Variants in TRIOBP observed in about 807,000 individuals in gnomAD.
TRIOBP encodes TRIO and F-actin-binding protein.
A neutral mutation model predicts 238.8 loss-of-function variants in TRIOBP; 169 were observed. That is an observed-to-expected ratio of 0.71 (90% CI 0.62 to 0.80). The LOEUF is 0.80. Among genes scored for constraint, TRIOBP ranks in the 30% least tolerant of loss-of-function variants. The pLI, the probability that TRIOBP is intolerant of heterozygous loss-of-function variation, is 0.00. For missense variants in TRIOBP, 2,838 were observed against 3,122.6 expected (o/e 0.91, Z 2.17); for synonymous variants, 1,150 against 1,274.4 (o/e 0.90, Z 2.08).
rs745578834 is a variant in TRIOBP, at chr22:37,734,382, C to A, written c.4063-17C>A. 2.5e-6 allele frequency: 4 copies of A among 1,610,516 alleles called. No homozygotes were observed. Among genetic ancestry groups the A allele is most frequent in the East Asian group, 2.2e-5 (1 of 44,850 alleles). ...CCCAGAGAGAGAGCCTCACCTACCC[C>A]CTCACCTCATCCCCAGGTGACCATG... On this transcript the variant is annotated splice_polypyrimidine_tract_variant and intron_variant, in intron 8 of 23. Coordinates refer to ENST00000644935, the MANE Select transcript of TRIOBP (RefSeq NM_001039141.3).
In TRIOBP at chr22:37,725,808, C is replaced by T. The variant is rs1186800402; in HGVS notation, c.3252C>T (p.Pro1084=). 2.5e-6 allele frequency: 4 copies of T among 1,612,034 alleles called. No homozygotes were observed. The African/African-American group carries it at 4.0e-5, about 16-fold the overall frequency. ...SSPPRHTQFD[P]FPFLPDTSDA... Reference sequence around the variant, plus strand: ...CCCCCCGCCACACCCAATTTGACCCCTTCCCCTTCCTCCCAGACACATCAG... The same window carrying T: ...CCCCCCGCCACACCCAATTTGACCCTTTCCCCTTCCTCCCAGACACATCAG... The change falls in exon 7 of 24, where the codon CCC becomes CCT. Residue 1084 remains proline, a synonymous_variant. Transcript: ENST00000644935.
chr22:37,769,218 G>A (rs1054657564), intron 20 of TRIOBP, 31 bp downstream of exon 20: 9 of 1,536,788 alleles, frequency 5.9e-6, no homozygotes, highest in African/African-American at 2.9e-5. Flanking sequence ...GGGGGACACG[G>A]GTGGGTCCCG....
In TRIOBP at chr22:37,725,074, A is replaced by C. The variant is rs896335298; in HGVS notation, c.2518A>C (p.Lys840Gln). 6.2e-7 allele frequency: 1 copy of C among 1,614,196 alleles called. No homozygotes were observed. The highest frequency in any genetic ancestry group is 8.5e-7 in the Non-Finnish European group (1 of 1,180,042). Residue 840 changes from lysine to glutamine, a missense_variant, in exon 7 of 24, where the codon AAA (lysine) becomes CAA (glutamine). Coordinates refer to ENST00000644935, the MANE Select transcript of TRIOBP (RefSeq NM_001039141.3). ...QQDNPKTSCT[K>Q]RDNLRPTCTQ... Reference sequence around the variant, plus strand: ...AGACAACCCTAAAACCTCTTGTACCAAACGAGATAACCTCAGACCCACTTG... The same window carrying C: ...AGACAACCCTAAAACCTCTTGTACCCAACGAGATAACCTCAGACCCACTTG...
At chr22:37,719,117 C>T (rs1425107723) in intron 6 of TRIOBP, among the ~76,000 whole-genome samples, 4 of 149,940 alleles carry the variant, frequency 2.7e-5, no homozygotes, top group Admixed American at 2.0e-4. Flanking sequence ...GCAGGAGGAT[C>T]GCTTGAACTT....
rs751815172 is a variant in TRIOBP, at chr22:37,772,667, T to A, written c.7003T>A (p.Ser2335Thr). 5.0e-6 allele frequency: 8 copies of A among 1,613,990 alleles called. No homozygotes were observed. In the African/African-American group the frequency reaches 8.0e-5, roughly 16 times the overall value. The change falls in exon 23 of 24, where the codon TCT (serine) becomes ACT (threonine). Residue 2335 changes from serine (S) to threonine (T), a missense_variant. Physicochemically the swap from Ser to Thr is moderately conservative, Grantham distance 58 (BLOSUM62 1). Coordinates refer to ENST00000644935, the MANE Select transcript of TRIOBP (RefSeq NM_001039141.3). ...GGAGCTGAGCCACATCAAGACACGG[T>A]CTGAGCGGGAGATCGAGCAGCTGAA... ...YVELSHIKTR[S>T]EREIEQLKEH...
At chr22:37,712,901 G>C (rs1432509590) in intron 4 of TRIOBP, among the ~76,000 whole-genome samples, 2 of 151,398 alleles carry the variant, frequency 1.3e-5, no homozygotes, top group Non-Finnish European at 2.9e-5. Context: ...AGATTGCAGT[G>C]AGCCGAGATG....
chr22:37,713,956 CA>C (rs1234489009), intron 5 of TRIOBP, among the ~76,000 whole-genome samples: 1 of 152,000 alleles, frequency 6.6e-6, no homozygotes, highest in African/African-American at 2.4e-5. Context: ...GGAGACCCCC[CA>C]AAAGGAAAAT....
At position 37,726,535 on chromosome 22, in the gene TRIOBP, C is replaced by A; in HGVS notation, c.3947+32C>A. The stretch of plus-strand genomic sequence containing the variant: ...CCGGGGGTGGGGTCAGCCAGGTGGG[C>A]TGGGGAGGAGGCTCGGCAGCAGGAC... On this transcript the variant is annotated intron_variant, in intron 7 of 23. Transcript: ENST00000644935. 12 of 1,440,608 alleles carry A rather than the reference C, an allele frequency of 8.3e-6. No homozygotes were observed. The South Asian group carries it at 1.7e-4, about 21-fold the overall frequency. The allele number at this position is 1,440,608 out of a possible 1,614,324, so 89.2% of individuals were successfully genotyped here. A position where few individuals can be genotyped will look rare whatever the true frequency, so the allele number is the denominator to read the frequency against.
chr22:37,699,234 G>A lies in TRIOBP; in HGVS notation c.-61+1538G>A, dbSNP rs79385984. On this transcript the variant is annotated intron_variant, in intron 2 of 23. Coordinates refer to ENST00000644935, the MANE Select transcript of TRIOBP (RefSeq NM_001039141.3). ...CCACAAACTTGCTGTGTGACTTTAG[G>A]CTGTTCACGTTTGTCAAAGACGTCG... Among the ~76,000 whole-genome samples, 1,159 of 152,148 alleles carry A rather than the reference G, an allele frequency of 7.6e-3. 10 individuals are homozygous for A. The highest frequency in any genetic ancestry group is 0.011 in the Non-Finnish European group (742 of 67,972).
intron 7 of TRIOBP, among the ~76,000 whole-genome samples, chr22:37,729,255 C>G (rs888980306): frequency 6.6e-6 from 1 of 151,260 alleles, no homozygotes; most frequent in Non-Finnish European, 1.5e-5. Flanking sequence ...CTTGCTTTGT[C>G]ACCCAGCAGT....
In TRIOBP at chr22:37,765,708, G is replaced by A. The variant is rs372703303; in HGVS notation, c.6363G>A (p.Ser2121=). The change falls in exon 18 of 24, where the codon TCG becomes TCA. Residue 2121 remains serine, a synonymous_variant. Transcript: ENST00000644935. ...CERSLAEMES[S]HQQVMEELQR... is the part of the protein sequence containing the mutation. ...GCAGCCTGGCAGAGATGGAGTCCTC[G>A]CACCAGCAGGTGATGGAGGAGCTGC... The A allele has an allele frequency of 1.3e-4, 209 of 1,555,444 alleles. No individual in the cohort carries two copies. Among genetic ancestry groups the A allele is most frequent in the Non-Finnish European group, 1.6e-4 (188 of 1,150,396 alleles).
chr22:37,730,340 C>T (rs769976765), intron 7 of TRIOBP, among the ~76,000 whole-genome samples: 3 of 152,296 alleles, frequency 2.0e-5, no homozygotes, highest in Middle Eastern at 3.4e-3. Flanking sequence ...TCTTGAGTCC[C>T]TCACTCTTTT....
At chr22:37,769,233 C>T (rs767991937) in intron 20 of TRIOBP, 29 bp from the exon 21 acceptor site, 3 of 1,605,296 alleles carry the variant, frequency 1.9e-6, no homozygotes, top group Non-Finnish European at 2.5e-6. Context: ...GTCCCGGCAC[C>T]CCTCCCCTGA....
In TRIOBP at chr22:37,723,621, A is replaced by G; in HGVS notation, c.1065A>G (p.Arg355=). 6.2e-7 allele frequency: 1 copy of G among 1,614,062 alleles called. No homozygotes were observed. Among genetic ancestry groups the G allele is most frequent in the South Asian group, 1.1e-5 (1 of 91,084 alleles). ...PSRSTQLDNP[R]TSSTQQDNPQ... Reference sequence around the variant, plus strand: ...GAAGCACCCAACTGGATAACCCCAGAACCTCTTCTACCCAGCAGGACAACC... The same window carrying G: ...GAAGCACCCAACTGGATAACCCCAGGACCTCTTCTACCCAGCAGGACAACC... Residue 355 remains arginine (R), a synonymous_variant, in exon 7 of 24, where the codon AGA becomes AGG. Transcript: ENST00000644935.
chr22:37,709,704 G>T (rs1405833458), intron 3 of TRIOBP, among the ~76,000 whole-genome samples: 1 of 152,204 alleles, frequency 6.6e-6, no homozygotes, highest in African/African-American at 2.4e-5. Context: ...GAGGTGAGCA[G>T]CCGTTCCCCC....
chr22:37,711,252 C>T (rs1009676738), intron 4 of TRIOBP, among the ~76,000 whole-genome samples: 5 of 152,112 alleles, frequency 3.3e-5, no homozygotes, highest in Admixed American at 6.6e-5. Flanking sequence ...TTCATGTGCT[C>T]CTCACAGGTA....
Position 37,769,142 on chromosome 22 carries a change from G to GCGC in TRIOBP, c.6694_6696dup (p.Arg2232dup). 6.2e-7 allele frequency: 1 copy of GCGC among 1,612,408 alleles called. No individual in the cohort carries two copies. Among genetic ancestry groups the GCGC allele is most frequent in the Non-Finnish European group, 8.5e-7 (1 of 1,179,682 alleles). On this transcript the variant is annotated inframe_insertion, in exon 20 of 24. Coordinates refer to ENST00000644935, the MANE Select transcript of TRIOBP (RefSeq NM_001039141.3). ...AGGCTGAGGAGCGCGAGCACACGCTGCGCCGCTGCCAGCAGGAGGGCCAGG... is the reference window on the plus strand; with the variant it reads ...AGGCTGAGGAGCGCGAGCACACGCTGCGCCGCCGCTGCCAGCAGGAGGGCCAGG...
At chr22:37,709,594 G>A (rs951720486) in intron 3 of TRIOBP, among the ~76,000 whole-genome samples, 3 of 152,188 alleles carry the variant, frequency 2.0e-5, no homozygotes, top group South Asian at 2.1e-4. Flanking sequence ...CAGGTAATCC[G>A]AGAGGAGGCG....
chr22:37,734,247 G>A, intron 8 of TRIOBP, 152 bp from the exon 9 acceptor site: 1 of 731,076 alleles, frequency 1.4e-6, no homozygotes, highest in Non-Finnish European at 2.4e-6. Flanking sequence ...ACCCCGGAGG[G>A]GTGGGGCAGA....
Sources: allele counts gnomAD v4.1 joint callset (sites outside exome capture counted in the v4.1 genomes callset), GRCh38; gene constraint gnomAD v4.1.1; transcripts MANE v1.5; gene names NCBI Gene and HGNC (gene_info 2026-07-23, HGNC 2026-07-21).